Variants in SMG6 observed in about 807,000 individuals in gnomAD.
SMG6 encodes telomerase-binding protein EST1A.
SMG6 carries 66 observed loss-of-function variants against 142.2 expected under a neutral mutation model. The observed-to-expected ratio is 0.46, with a 90% CI of 0.38 to 0.57. The LOEUF is 0.57. SMG6 is among the 20% of genes least tolerant of loss of function. The probability of loss-of-function intolerance (pLI) is 0.00; values close to 1 mark genes in which losing one functional copy is unlikely to be tolerated. For missense variants in SMG6, 1,793 were observed against 1,832.0 expected (o/e 0.98, Z 0.39); for synonymous variants, 779 against 702.4 (o/e 1.11, Z -1.72).
chr17:2,078,817 C>T (rs746604675), intron 15 of SMG6, among the ~76,000 whole-genome samples: 2 of 152,116 alleles, frequency 1.3e-5, no homozygotes, highest in African/African-American at 2.4e-5. Flanking sequence ...GGTCATTCAT[C>T]GATGCTGAAG....
In SMG6 at chr17:2,085,967, G is replaced by T; in HGVS notation, c.3358-66C>A. 1 of 1,524,040 alleles carries T rather than the reference G, an allele frequency of 6.6e-7. No homozygotes were observed. Among genetic ancestry groups the T allele is most frequent in the Non-Finnish European group, 9.1e-7 (1 of 1,101,224 alleles). The allele number at this position is 1,524,040 out of a possible 1,614,324, so 94.4% of individuals were successfully genotyped here. A position where few individuals can be genotyped will look rare whatever the true frequency, so the allele number is the denominator to read the frequency against. On this transcript the variant is annotated intron_variant, in intron 13 of 18. Coordinates refer to ENST00000263073, the MANE Select transcript of SMG6 (RefSeq NM_017575.5). The surrounding 1 kb of genome is among the most constrained non-coding windows in gnomAD (Gnocchi z 4.1). ...AAAGGGAAGATGGAGACGAGATGTT[G>T]CTTGCCGGCTGAGGGGCACAGGGGA...
At chr17:2,090,280 G>A (rs2068681341) in intron 13 of SMG6, among the ~76,000 whole-genome samples, 1 of 151,684 alleles carries the variant, frequency 6.6e-6, no homozygotes, top group African/African-American at 2.4e-5. Flanking sequence ...CACAGTGTGG[G>A]TAGAGATGCC....
chr17:2,156,265 G>C (rs1380712447), intron 13 of SMG6, among the ~76,000 whole-genome samples: 1 of 150,254 alleles, frequency 6.7e-6, no homozygotes, highest in African/African-American at 2.4e-5. Flanking sequence ...TGGTCAGTGG[G>C]TGCCTGTAAC....
chr17:2,089,538 G>C (rs917139418), intron 13 of SMG6: 1 of 152,440 alleles, frequency 6.6e-6, no homozygotes, highest in Non-Finnish European at 1.5e-5. Flanking sequence ...TTTAGGTCAG[G>C]GAAGAGCTGA....
chr17:2,253,625 C>G (rs529949413), intron 8 of SMG6, among the ~76,000 whole-genome samples: 1 of 152,262 alleles, frequency 6.6e-6, no homozygotes, highest in South Asian at 2.1e-4. Context: ...CCCCCTCCGC[C>G]ACCAGAATAT....
chr17:2,093,085 T>C (rs957207338), intron 13 of SMG6, among the ~76,000 whole-genome samples: 1 of 151,444 alleles, frequency 6.6e-6, no homozygotes, highest in African/African-American at 2.4e-5. Flanking sequence ...TTCCAGCTAC[T>C]CAAGAGGCTG....
chr17:2,239,741 A>G (rs1187267358), intron 9 of SMG6, among the ~76,000 whole-genome samples: 1 of 152,246 alleles, frequency 6.6e-6, no homozygotes, highest in Non-Finnish European at 1.5e-5. Context: ...TTTCTCCCAT[A>G]ATGAATACAT....
chr17:2,068,991 A>AGG lies in SMG6; in HGVS notation c.3682-62_3682-61dup. ...GAGCAGGCAAGCAGGTGGGTGAGCC[A>AGG]GGGCCCTGACACTACGGTGTGTCAG... On this transcript the variant is annotated intron_variant, in intron 15 of 18. Transcript: ENST00000263073. The surrounding 1 kb of genome is among the most constrained non-coding windows in gnomAD (Gnocchi z 6.7). 1.3e-6 allele frequency: 2 copies of AGG among 1,571,592 alleles called. No individual in the cohort carries two copies. The highest frequency in any genetic ancestry group is 1.7e-6 in the Non-Finnish European group (2 of 1,148,406).
In SMG6 at chr17:2,127,394, C is replaced by G. The variant is rs918793035; in HGVS notation, c.3358-41493G>C. On this transcript the variant is annotated intron_variant, in intron 13 of 18. Transcript: ENST00000263073. ...TAAGAAATGGTTGAAATGGTAAATC[C>G]TTTTCCCCCCCTCTTTAAATAGACA... is the stretch of plus-strand genomic sequence containing the variant. The G allele has an allele frequency of 4.5e-6, 3 of 670,986 alleles. No individual in the cohort carries two copies. In the African/African-American group the frequency reaches 5.4e-5, roughly 12 times the overall value. 41.6% of individuals were successfully genotyped at this position (670,986 alleles called of 1,614,324 possible). A position where few individuals can be genotyped will look rare whatever the true frequency, so the allele number is the denominator to read the frequency against.
chr17:2,144,852 G>A lies in SMG6; in HGVS notation c.3357+27806C>T, dbSNP rs1326833817. ...AAAGCTGGAATCCCAGCTTTAGGCA[G>A]GGCCTCCTACATCATTCCTCACCTA... On this transcript the variant is annotated intron_variant, in intron 13 of 18. Transcript: ENST00000263073. 2.0e-5 allele frequency among the ~76,000 whole-genome samples: 3 copies of A among 151,996 alleles called. No homozygotes were observed. The East Asian group carries it at 5.8e-4, about 29-fold the overall frequency.
intron 8 of SMG6, among the ~76,000 whole-genome samples, chr17:2,249,066 T>TGTATTTTCAGTA (rs1420026299): frequency 6.6e-6 from 1 of 151,466 alleles, no homozygotes; most frequent in African/African-American, 2.4e-5. Context: ...TTTTTTTTTT[T>TGTATTTTCAGTA]GTATTTTCAG....
At chr17:2,250,226 C>T (rs2074016896) in intron 8 of SMG6, among the ~76,000 whole-genome samples, 1 of 152,106 alleles carries the variant, frequency 6.6e-6, no homozygotes, top group African/African-American at 2.4e-5. Flanking sequence ...GTCGTTCCTG[C>T]TTCTACAGAG....
At chr17:2,172,298 T>C (rs1182832880) in intron 13 of SMG6, among the ~76,000 whole-genome samples, 1 of 150,124 alleles carries the variant, frequency 6.7e-6, no homozygotes, top group Non-Finnish European at 1.5e-5. Context: ...TGCAGAGCTT[T>C]GTGGCGGAGG....
At chr17:2,080,887 A>G (rs758031102) in intron 15 of SMG6, among the ~76,000 whole-genome samples, 4 of 152,146 alleles carry the variant, frequency 2.6e-5, no homozygotes, top group Non-Finnish European at 4.4e-5. Context: ...CGCCCGCCTC[A>G]GCCTCCCAAA....
At chr17:2,091,689 G>GA (rs1491188617) in intron 13 of SMG6, among the ~76,000 whole-genome samples, 5 of 101,984 alleles carry the variant, frequency 4.9e-5, no homozygotes, top group African/African-American at 2.2e-4. Flanking sequence ...TTTTTTTTTT[G>GA]AGAGAGAGTC....
intron 9 of SMG6, 108 bp from the exon 10 acceptor site, chr17:2,236,745 A>C: frequency 1.2e-6 from 1 of 843,544 alleles, no homozygotes; most frequent in Non-Finnish European, 1.6e-6. Flanking sequence ...ACACACACAC[A>C]CACACACCAG....
Position 2,065,161 on chromosome 17 carries a change from G to A in SMG6, c.4048-7C>T, listed in dbSNP as rs1185790329. 4 of 1,610,664 alleles carry A rather than the reference G, an allele frequency of 2.5e-6. No individual in the cohort carries two copies. The highest frequency in any genetic ancestry group is 1.1e-5 in the South Asian group (1 of 90,948). On this transcript the variant is annotated splice_polypyrimidine_tract_variant and splice_region_variant and intron_variant, in intron 17 of 18. Transcript: ENST00000263073. ...TGAGATCATCGTTGTTACCCTGGAG[G>A]AAGACGTGTGTGAGAAGCACCACTG...
rs2067768819 is a variant in SMG6 at position 2,061,377 on chromosome 17, T to G, written c.*115A>C. ...CGTGGCGTGGGTTGGAAGAGGATGG[T>G]TTATTGTCTGGGTGGATTGGTGGCT... is the stretch of plus-strand genomic sequence containing the variant. On this transcript the variant is annotated 3_prime_UTR_variant, in exon 19 of 19. Coordinates refer to ENST00000263073, the MANE Select transcript of SMG6 (RefSeq NM_017575.5). 1 of 1,039,158 alleles carries G rather than the reference T, an allele frequency of 9.6e-7. No individual in the cohort carries two copies. The allele number at this position is 1,039,158 out of a possible 1,614,324, so 64.4% of individuals were successfully genotyped here. A position where few individuals can be genotyped will look rare whatever the true frequency, so the allele number is the denominator to read the frequency against.
intron 13 of SMG6, among the ~76,000 whole-genome samples, chr17:2,129,041 G>C (rs920571930): frequency 4.6e-5 from 7 of 152,174 alleles, no homozygotes; most frequent in African/African-American, 1.7e-4. Flanking sequence ...GAAAATGATA[G>C]TTTTAAATTA....
Sources: gnomAD v4.1 joint callset for allele counts (sites outside exome capture counted in the v4.1 genomes callset) on GRCh38, gnomAD v4.1.1 for gene constraint, Gnocchi (gnomAD v3.1) non-coding constraint, MANE v1.5 for transcripts, NCBI Gene and HGNC (gene_info 2026-07-23, HGNC 2026-07-21) for gene names.